Variants in LRP1 observed in about 807,000 individuals in gnomAD.
LRP1 encodes the protein LDL receptor related protein 1, also known as prolow-density lipoprotein receptor-related protein 1.
A neutral mutation model predicts 541.5 loss-of-function variants in LRP1; 51 were observed. The ratio of observed to expected loss-of-function variants is 0.09; its 90% CI spans 0.08 to 0.12. The LOEUF (loss-of-function observed/expected upper bound fraction) is 0.12, where lower values mean the gene tolerates loss of function less well. Among genes scored for constraint, LRP1 ranks in the 10% least tolerant of loss-of-function variants. The pLI is 1.00. For missense variants in LRP1, 3,878 were observed against 6,376.2 expected (o/e 0.61, Z 13.34); for synonymous variants, 2,219 against 2,470.8 (o/e 0.90, Z 3.02).
At chr12:57,199,427 C>G (rs199696615) in intron 61 of LRP1, 27 bp downstream of exon 61, 1 of 1,596,130 alleles carries the variant, frequency 6.3e-7, no homozygotes, top group Non-Finnish European at 8.5e-7. Flanking sequence ...TGGGAGCAGG[C>G]GAACGGTGAG....
At position 57,184,490 on chromosome 12, in the gene LRP1, C is replaced by G. The variant is rs768647403; in HGVS notation, c.6186+38C>G. The G allele has an allele frequency of 6.2e-7, 1 of 1,612,856 alleles. No individual in the cohort carries two copies. Among genetic ancestry groups the G allele is most frequent in the African/African-American group, 1.3e-5 (1 of 74,918 alleles). The stretch of plus-strand genomic sequence containing the variant: ...ACTTGGCCTTGGATCCGATGGTAGA[C>G]CCCTGACCCAGGCTCCTGTTCCCTG... On this transcript the variant is annotated intron_variant, in intron 38 of 88. Transcript: ENST00000243077. The surrounding 1 kb of genome is among the most constrained non-coding windows in gnomAD (Gnocchi z 7.8).
intron 50 of LRP1, 135 bp from the exon 51 acceptor site, chr12:57,194,850 C>T (rs2136728884): frequency 8.6e-7 from 1 of 1,168,952 alleles, no homozygotes; most frequent in Non-Finnish European, 1.2e-6. Context: ...CTCAGAGACT[C>T]TGCCTCTAGC....
In LRP1 at chr12:57,201,871, T is replaced by G; in HGVS notation, c.10560T>G (p.Cys3520Trp). The G allele has an allele frequency of 6.2e-7, 1 of 1,613,966 alleles. No individual in the cohort carries two copies. Among genetic ancestry groups the G allele is most frequent in the Non-Finnish European group, 8.5e-7 (1 of 1,179,972 alleles). The change falls in exon 67 of 89, where the codon TGT becomes TGG. Residue 3520 changes from cysteine to tryptophan, a missense_variant. Transcript: ENST00000243077. The surrounding 1 kb of genome is among the most constrained non-coding windows in gnomAD (Gnocchi z 6.4). ...GGAAGTGTGACGGAGAGGATGACTG[T>G]GGGGATGGCTCGGATGAGCCCAAGG... ...ARWKCDGEDD[C>W]GDGSDEPKEE...
In LRP1 at chr12:57,199,428, G is replaced by C. The variant is rs370186029; in HGVS notation, c.9865+28G>C. The C allele has an allele frequency of 1.6e-5, 26 of 1,596,188 alleles. No homozygotes were observed. In the East Asian group the frequency reaches 5.4e-4, roughly 33 times the overall value. ...GAGCAGGCAAGGGGTGGGAGCAGGC[G>C]AACGGTGAGCCAGGCACCGGGGTCC... On this transcript the variant is annotated intron_variant, in intron 61 of 88. Transcript: ENST00000243077.
Position 57,156,694 on chromosome 12 carries a change from G to T in LRP1, c.1418-83G>T. Reference sequence around the variant, plus strand: ...AAGCACAAAGACCACAGCAGCAGGGGGTGTGGTCAGATTCAGGAAGCCTTC... The same window carrying T: ...AAGCACAAAGACCACAGCAGCAGGGTGTGTGGTCAGATTCAGGAAGCCTTC... On this transcript the variant is annotated intron_variant, in intron 9 of 88. Transcript: ENST00000243077. This position sits in a 1 kb window ranked among gnomAD's most constrained non-coding sequence, Gnocchi z 5.2. The T allele has an allele frequency of 1.4e-6, 2 of 1,432,794 alleles. No individual in the cohort carries two copies. Among genetic ancestry groups the T allele is most frequent in the Non-Finnish European group, 1.9e-6 (2 of 1,056,220 alleles). 88.8% of individuals were successfully genotyped at this position (1,432,794 alleles called of 1,614,324 possible).
chr12:57,133,585 C>T lies in LRP1; in HGVS notation c.67+4554C>T, dbSNP rs540403117. Among the ~76,000 whole-genome samples, 646 of 151,946 alleles carry T rather than the reference C, an allele frequency of 4.3e-3. 4 individuals are homozygous for T. The highest frequency in any genetic ancestry group is 0.015 in the African/African-American group (615 of 41,416). ...CCTTGCTGCCCCACCCCCATAAGGT[C>T]GAAAATTCAGATTCCTGCAGGCTCT... On this transcript the variant is annotated intron_variant, in intron 1 of 88. Coordinates refer to ENST00000243077, the MANE Select transcript of LRP1 (RefSeq NM_002332.3).
intron 2 of LRP1, among the ~76,000 whole-genome samples, chr12:57,140,000 G>A (rs562551513): frequency 3.3e-5 from 5 of 152,318 alleles, no homozygotes; most frequent in South Asian, 4.1e-4. Flanking sequence ...CTCACACACC[G>A]TGTCCAGGCT....
Position 57,197,732 on chromosome 12 carries a change from C to G in LRP1, c.9282+68C>G. 6.3e-7 allele frequency: 1 copy of G among 1,578,440 alleles called. No homozygotes were observed. The highest frequency in any genetic ancestry group is 2.2e-5 in the East Asian group (1 of 44,548). On this transcript the variant is annotated intron_variant, in intron 58 of 88. Coordinates refer to ENST00000243077, the MANE Select transcript of LRP1 (RefSeq NM_002332.3). This position sits in a 1 kb window ranked among gnomAD's most constrained non-coding sequence, Gnocchi z 4.5. ...GATGACTGTTTTCAGATCGTCTCTCCTTCCCGCCCCACCAACCCAAATTGC... is the reference window on the plus strand; with the variant it reads ...GATGACTGTTTTCAGATCGTCTCTCGTTCCCGCCCCACCAACCCAAATTGC...
intron 15 of LRP1, among the ~76,000 whole-genome samples, chr12:57,164,043 C>T (rs1437957072): frequency 6.6e-6 from 1 of 152,080 alleles, no homozygotes; most frequent in South Asian, 2.1e-4. Context: ...TGGTGTCACA[C>T]GCCTGTAGTC....
At chr12:57,166,876 G>A (rs752356169) in intron 17 of LRP1, 54 bp from the exon 18 acceptor site, 14 of 884,870 alleles carry the variant, frequency 1.6e-5, no homozygotes, top group Non-Finnish European at 2.3e-5. Flanking sequence ...GGAAGAAGAG[G>A]CAGTGAAGAG....
chr12:57,167,009 C>T lies in LRP1; in HGVS notation c.2877C>T (p.Asp959=), dbSNP rs751016241. 1.2e-5 allele frequency: 20 copies of T among 1,613,916 alleles called. No homozygotes were observed. Among genetic ancestry groups the T allele is most frequent in the African/African-American group, 5.3e-5 (4 of 74,878 alleles). ...TCTCCTGGACGTGTGATCTGGATGA[C>T]GACTGTGGGGACCGCTCTGATGAGT... ...IPISWTCDLD[D]DCGDRSDESA... The change falls in exon 18 of 89, where the codon GAC becomes GAT. Residue 959 remains aspartate, a synonymous_variant. Transcript: ENST00000243077.
At chr12:57,138,689 C>G in intron 2 of LRP1, 108 bp downstream of exon 2, 1 of 1,444,450 alleles carries the variant, frequency 6.9e-7, no homozygotes, top group Non-Finnish European at 9.5e-7. Flanking sequence ...GTGGACCTTG[C>G]TCAGTGATTG....
At position 57,160,984 on chromosome 12, in the gene LRP1, A is replaced by G. The variant is rs1214054071; in HGVS notation, c.2071A>G (p.Ile691Val). The G allele has an allele frequency of 1.2e-6, 2 of 1,613,898 alleles. No homozygotes were observed. Among genetic ancestry groups the G allele is most frequent in the Non-Finnish European group, 1.7e-6 (2 of 1,180,040 alleles). ...RAWMDGSHRD[I>V]FVTSKTVLWP... ...GTGGATGGATGGCTCACACCGAGAC[A>G]TCTTTGTCACCTCCAAGACAGTGCT... The change falls in exon 13 of 89, where the codon ATC becomes GTC. Residue 691 changes from isoleucine to valine, a missense_variant. Physicochemically the swap from Ile to Val is conservative, Grantham distance 29. Coordinates refer to ENST00000243077, the MANE Select transcript of LRP1 (RefSeq NM_002332.3).
Position 57,195,361 on chromosome 12 carries a change from G to T in LRP1, c.8399G>T (p.Cys2800Phe). The T allele has an allele frequency of 6.2e-7, 1 of 1,610,890 alleles. No homozygotes were observed. The highest frequency in any genetic ancestry group is 1.3e-5 in the African/African-American group (1 of 75,078). ...ERWLCDGDKD[C>F]ADGADESIAA... ...TGGCTCTGTGACGGTGACAAAGACT[G>T]TGCTGATGGTGCAGACGAGAGCATC... Residue 2800 changes from cysteine to phenylalanine, a missense_variant, in exon 52 of 89, where the codon TGT becomes TTT. This residue lies in a region of LRP1 where 1,100 missense variants were observed against 1,827.4 expected (regional missense o/e 0.60). Transcript: ENST00000243077.
Position 57,162,367 on chromosome 12 carries a change from T to C in LRP1, c.2253T>C (p.His751=). The C allele has an allele frequency of 1.2e-6, 2 of 1,614,200 alleles. No homozygotes were observed. Among genetic ancestry groups the C allele is most frequent in the Non-Finnish European group, 1.7e-6 (2 of 1,180,026 alleles). ...ACCACGCCTTTGGCCTGTGTCACCA[T>C]GGCAACTACCTCTTCTGGACTGAGT... is the stretch of plus-strand genomic sequence containing the variant. ...ELNHAFGLCH[H]GNYLFWTEYR... The change falls in exon 14 of 89, where the codon CAT becomes CAC. Residue 751 remains histidine, a synonymous_variant. Transcript: ENST00000243077. The surrounding 1 kb of genome is among the most constrained non-coding windows in gnomAD (Gnocchi z 5.2).
rs762659889 is a variant in LRP1, at chr12:57,154,444, T to C, written c.1005-35T>C. On this transcript the variant is annotated intron_variant, in intron 7 of 88. Coordinates refer to ENST00000243077, the MANE Select transcript of LRP1 (RefSeq NM_002332.3). The surrounding 1 kb of genome is among the most constrained non-coding windows in gnomAD (Gnocchi z 4.6). ...CTACAGTGGTAAGGAGGGTGCCCAATGTCCAGACCCCATTTAACATGCATC... is the reference window on the plus strand; with the variant it reads ...CTACAGTGGTAAGGAGGGTGCCCAACGTCCAGACCCCATTTAACATGCATC... The C allele has an allele frequency of 1.2e-6, 2 of 1,607,426 alleles. No homozygotes were observed. The highest frequency in any genetic ancestry group is 2.2e-5 in the South Asian group (2 of 90,826).
At position 57,196,143 on chromosome 12, in the gene LRP1, G is replaced by A. The variant is rs185539166; in HGVS notation, c.8758G>A (p.Glu2920Lys). 184 of 1,611,198 alleles carry A rather than the reference G, an allele frequency of 1.1e-4. No homozygotes were observed. Among genetic ancestry groups the A allele is most frequent in the Admixed American group, 8.3e-4 (50 of 59,974 alleles). The change falls in exon 55 of 89, where the codon GAG becomes AAG. Residue 2920 changes from glutamate to lysine, a missense_variant. By Grantham distance (56) the Glu-to-Lys change is moderately conservative (BLOSUM62 1). Around this residue, in one of 13 missense-constraint regions of LRP1, gnomAD observed 1,100 missense variants for 1,827.4 expected, o/e 0.60. Coordinates refer to ENST00000243077, the MANE Select transcript of LRP1 (RefSeq NM_002332.3). ...FLCSSGRCVAEALLCNGQDDC... is the reference protein window; with the variant it reads ...FLCSSGRCVAKALLCNGQDDC... Reference sequence around the variant, plus strand: ...GTGCAGCAGTGGGCGCTGTGTGGCTGAGGCACTGCTCTGCAACGGCCAGGA... The same window carrying A: ...GTGCAGCAGTGGGCGCTGTGTGGCTAAGGCACTGCTCTGCAACGGCCAGGA...
chr12:57,160,225 C>G (rs2035699637), intron 12 of LRP1, among the ~76,000 whole-genome samples: 1 of 152,128 alleles, frequency 6.6e-6, no homozygotes, highest in African/African-American at 2.4e-5. Context: ...CAGTTCAGGG[C>G]CTTCCACCAG....
At chr12:57,202,607 C>T (rs2036681093) in intron 68 of LRP1, 70 bp downstream of exon 68, 1 of 1,273,124 alleles carries the variant, frequency 7.9e-7, no homozygotes. Flanking sequence ...GGCCCTCCTG[C>T]CACAGGCCGC....
Sources: gnomAD v4.1 joint callset for allele counts (sites outside exome capture counted in the v4.1 genomes callset) on GRCh38, gnomAD v4.1.1 for gene constraint, gnomAD v4.1.1 regional missense constraint, Gnocchi (gnomAD v3.1) non-coding constraint, MANE v1.5 for transcripts, NCBI Gene and HGNC (gene_info 2026-07-23, HGNC 2026-07-21) for gene names.